TP53BP2: variants seen among roughly 807,000 people sequenced by gnomAD.
The protein encoded by TP53BP2 is tumor protein p53 binding protein 2.
A neutral mutation model predicts 126.2 loss-of-function variants in TP53BP2; 62 were observed. The observed-to-expected ratio is 0.49, with a 90% CI of 0.40 to 0.61. The LOEUF is 0.61. Among genes scored for constraint, TP53BP2 ranks in the 20% least tolerant of loss-of-function variants. TP53BP2 has a pLI of 0.00. For missense variants in TP53BP2, 1,215 were observed against 1,402.8 expected (o/e 0.87, Z 2.14); for synonymous variants, 485 against 502.9 (o/e 0.96, Z 0.48).
At chr1:223,830,656 A>C (rs989916791) in intron 1 of TP53BP2, among the ~76,000 whole-genome samples, 1 of 152,232 alleles carries the variant, frequency 6.6e-6, no homozygotes, top group African/African-American at 2.4e-5. Context: ...AAAAGTCTTT[A>C]AACAGGGAAA....
At chr1:223,818,568 T>C (rs528076969) in intron 2 of TP53BP2, among the ~76,000 whole-genome samples, 1 of 150,030 alleles carries the variant, frequency 6.7e-6, no homozygotes, top group South Asian at 2.1e-4. Context: ...GTGTTATCAT[T>C]AAAAAAAAAT....
chr1:223,814,069 T>A, intron 3 of TP53BP2, 171 bp downstream of exon 3: 1 of 571,312 alleles, frequency 1.8e-6, no homozygotes. Context: ...CCCACCTGCA[T>A]TAAACAACTA....
Position 223,799,968 on chromosome 1 carries a change from G to A in TP53BP2, c.1416C>T (p.Ser472=). The A allele has an allele frequency of 1.2e-6, 2 of 1,613,368 alleles. No individual in the cohort carries two copies. Among genetic ancestry groups the A allele is most frequent in the Non-Finnish European group, 1.7e-6 (2 of 1,179,742 alleles). The change falls in exon 11 of 18, where the codon TCC becomes TCT. Residue 472 remains serine (S), a synonymous_variant. Coordinates refer to ENST00000343537, the MANE Select transcript of TP53BP2 (RefSeq NM_001031685.3). ...PFSMFDAVDQ[S]NAPPSFGTLR... is the part of the protein sequence containing the mutation. ...GAGTACCAAAGGAAGGTGGGGCATTGGACTGGTCTACTGCATCAAACATTG... is the reference window on the plus strand; with the variant it reads ...GAGTACCAAAGGAAGGTGGGGCATTAGACTGGTCTACTGCATCAAACATTG...
In TP53BP2 at chr1:223,796,262, T is replaced by C. The variant is rs767821077; in HGVS notation, c.2277A>G (p.Leu759=). 2 of 1,613,966 alleles carry C rather than the reference T, an allele frequency of 1.2e-6. No individual in the cohort carries two copies. The highest frequency in any genetic ancestry group is 1.3e-5 in the African/African-American group (1 of 74,876). The change falls in exon 13 of 18, where the codon TTA becomes TTG. Residue 759 remains leucine, a synonymous_variant. Coordinates refer to ENST00000343537, the MANE Select transcript of TP53BP2 (RefSeq NM_001031685.3). The surrounding 1 kb of genome is among the most constrained non-coding windows in gnomAD (Gnocchi z 4.2). ...TGGCCGCTATGGTGGTCCTCTGATA[T>C]AAAAGCTTCTGAATATTTGGCCCAT... ...GPNGPNIQKL[L]YQRTTIAAME...
chr1:223,810,861 T>A (rs1347967833), intron 3 of TP53BP2, among the ~76,000 whole-genome samples: 1 of 152,170 alleles, frequency 6.6e-6, no homozygotes, highest in African/African-American at 2.4e-5. Flanking sequence ...TTCCTAGTCA[T>A]CTATTTAGCT....
At chr1:223,839,293 T>C (rs949241813) in intron 1 of TP53BP2, among the ~76,000 whole-genome samples, 1 of 152,258 alleles carries the variant, frequency 6.6e-6, no homozygotes, top group East Asian at 1.9e-4. Context: ...AGTGGGAAGA[T>C]CAACTTCAGA....
chr1:223,817,140 C>A (rs766846397), intron 2 of TP53BP2, among the ~76,000 whole-genome samples: 3 of 149,380 alleles, frequency 2.0e-5, no homozygotes, highest in Non-Finnish European at 4.4e-5. Context: ...CCAGCCTGGG[C>A]GACACAGCAA....
chr1:223,845,116 G>T, intron 1 of TP53BP2: 1 of 404,172 alleles, frequency 2.5e-6, no homozygotes, highest in Non-Finnish European at 3.3e-6. Flanking sequence ...ACGCTTTCCT[G>T]CAATCTAAAA....
In TP53BP2 at chr1:223,798,538, A is replaced by G. The variant is rs1274002031; in HGVS notation, c.1625T>C (p.Val542Ala). The G allele has an allele frequency of 6.2e-7, 1 of 1,614,196 alleles. No homozygotes were observed. The highest frequency in any genetic ancestry group is 1.3e-5 in the African/African-American group (1 of 75,060). The change falls in exon 12 of 18, where the codon GTT (valine) becomes GCT (alanine). Residue 542 changes from valine to alanine, a missense_variant. Physicochemically the swap from Val to Ala is moderately conservative, Grantham distance 64 (BLOSUM62 0). Coordinates refer to ENST00000343537, the MANE Select transcript of TP53BP2 (RefSeq NM_001031685.3). ...TGGTTTAGTTCCCATGGACGGAACA[A>G]CTGTTGACAACTGCTGAGAACTTCC... Reference protein sequence around the residue: ...PDGSSQQLSTVVPSMGTKPKP... With the variant: ...PDGSSQQLSTAVPSMGTKPKP...
chr1:223,812,317 T>A (rs1208674924), intron 3 of TP53BP2, among the ~76,000 whole-genome samples: 1 of 152,202 alleles, frequency 6.6e-6, no homozygotes, highest in Non-Finnish European at 1.5e-5. Flanking sequence ...GTACTATAAA[T>A]TTAATCATTC....
chr1:223,840,629 G>A (rs1432244452), intron 1 of TP53BP2, among the ~76,000 whole-genome samples: 1 of 152,178 alleles, frequency 6.6e-6, no homozygotes, highest in Non-Finnish European at 1.5e-5. Flanking sequence ...CACTATGGTA[G>A]ATCACCAAAA....
chr1:223,842,096 C>T (rs1289125112), intron 1 of TP53BP2, among the ~76,000 whole-genome samples: 1 of 151,994 alleles, frequency 6.6e-6, no homozygotes, highest in Non-Finnish European at 1.5e-5. Flanking sequence ...CACGCCACCA[C>T]GCCCAGCTAA....
At chr1:223,783,416 T>G (rs1321088786) in intron 17 of TP53BP2, among the ~76,000 whole-genome samples, 1 of 152,230 alleles carries the variant, frequency 6.6e-6, no homozygotes, top group Admixed American at 6.5e-5. Flanking sequence ...CAACAGCAGA[T>G]TCTGCAAGCA....
chr1:223,819,203 G>A (rs887212130), intron 2 of TP53BP2, among the ~76,000 whole-genome samples: 6 of 150,578 alleles, frequency 4.0e-5, no homozygotes, highest in Non-Finnish European at 8.9e-5. Flanking sequence ...AAAAAAAGTT[G>A]TAAGAAAGAA....
intron 1 of TP53BP2, among the ~76,000 whole-genome samples, chr1:223,828,480 A>T (rs1663579674): frequency 6.6e-6 from 1 of 152,214 alleles, no homozygotes; most frequent in Non-Finnish European, 1.5e-5. Flanking sequence ...ATTCATATAC[A>T]TTGTGCCTTC....
intron 2 of TP53BP2, 105 bp from the exon 3 acceptor site, chr1:223,814,458 A>C: frequency 2.5e-6 from 2 of 790,058 alleles, no homozygotes; most frequent in Non-Finnish European, 4.1e-6. Flanking sequence ...GATACAACAA[A>C]TGCTTAGTAT....
chr1:223,845,606 G>A (rs1664243572), intron 1 of TP53BP2, 48 bp downstream of exon 1: 1 of 1,521,594 alleles, frequency 6.6e-7, no homozygotes, highest in Non-Finnish European at 8.7e-7. Context: ...CCCGGCACGC[G>A]ACCCCGCACA....
chr1:223,799,974 G>A lies in TP53BP2; in HGVS notation c.1410C>T (p.Asp470=). The change falls in exon 11 of 18, where the codon GAC becomes GAT. Residue 470 remains aspartate (D), a synonymous_variant. Coordinates refer to ENST00000343537, the MANE Select transcript of TP53BP2 (RefSeq NM_001031685.3). ...VRPFSMFDAV[D]QSNAPPSFGT... The stretch of plus-strand genomic sequence containing the variant: ...CAAAGGAAGGTGGGGCATTGGACTG[G>A]TCTACTGCATCAAACATTGAGAACG... The A allele has an allele frequency of 6.2e-7, 1 of 1,613,546 alleles. No homozygotes were observed. Among genetic ancestry groups the A allele is most frequent in the Non-Finnish European group, 8.5e-7 (1 of 1,179,786 alleles).
At chr1:223,793,176 GCTTT>G (rs1452512082) in intron 14 of TP53BP2, 123 bp downstream of exon 14, 8 of 738,786 alleles carry the variant, frequency 1.1e-5, no homozygotes, top group South Asian at 4.0e-5. Context: ...CTCTACAGTC[GCTTT>G]CTAATTAGAG....
Sources: gnomAD v4.1 joint callset for allele counts (sites outside exome capture counted in the v4.1 genomes callset) on GRCh38, gnomAD v4.1.1 for gene constraint, Gnocchi (gnomAD v3.1) non-coding constraint, MANE v1.5 for transcripts, NCBI Gene and HGNC (gene_info 2026-07-23, HGNC 2026-07-21) for gene names.